The following CPT2 variants were observed in gnomAD, a reference collection of about 807,000 sequenced individuals.
CPT2 encodes carnitine palmitoyltransferase 2.
In CPT2, 37 loss-of-function variants were observed where a neutral mutation model predicts 48.6. The observed-to-expected ratio is 0.76, with a 90% CI of 0.59 to 1.00. The LOEUF is 1.00. CPT2 is among the 50% of genes least tolerant of loss of function. CPT2 has a pLI of 0.00. For synonymous variants in CPT2, 319 were observed against 326.9 expected, an observed-to-expected ratio of 0.98 and a Z score of 0.26; for missense variants, 772 against 825.6, an observed-to-expected ratio of 0.94 and a Z score of 0.80.
chr1:53,211,318 G>T lies in CPT2; in HGVS notation c.1644G>T (p.Met548Ile). The change falls in exon 4 of 5, where the codon ATG (methionine) becomes ATT (isoleucine). Residue 548 changes from methionine to isoleucine, a missense_variant and splice_region_variant. Met to Ile is a conservative substitution (Grantham distance 10). Transcript: ENST00000371486. ...GCCAGCTGACCAAAGAAGCAGCAAT[G>T]GGTGAGGCAGGGGTGGGGAGCATGC... ...YHGQLTKEAA[M>I]GQGFDRHLFA... 1 of 1,598,078 alleles carries T rather than the reference G, an allele frequency of 6.3e-7. No individual in the cohort carries two copies. Among genetic ancestry groups the T allele is most frequent in the East Asian group, 2.3e-5 (1 of 43,822 alleles).
intron 3 of CPT2, chr1:53,203,137 T>C (rs1645364669): frequency 6.6e-6 from 1 of 152,502 alleles, no homozygotes; most frequent in Admixed American, 6.5e-5. Context: ...TTTCAGCTCC[T>C]AAATCTTTTG....
chr1:53,210,228 C>T lies in CPT2; in HGVS notation c.554C>T (p.Thr185Ile). 6.2e-7 allele frequency: 1 copy of T among 1,614,124 alleles called. No individual in the cohort carries two copies. The highest frequency in any genetic ancestry group is 8.5e-7 in the Non-Finnish European group (1 of 1,179,952). ...CACTTGAACCCTGCAAAAAGTGACA[C>T]TATCACCTTCAAGAGACTCATACGC... ...VFHLNPAKSD[T>I]ITFKRLIRFV... Residue 185 changes from threonine to isoleucine, a missense_variant, in exon 4 of 5, where the codon ACT becomes ATT. By Grantham distance (89) the Thr-to-Ile change is moderately conservative. Transcript: ENST00000371486.
rs746853000 is a variant in CPT2 at position 53,210,433 on chromosome 1, C to A, written c.759C>A (p.Ile253=). Residue 253 remains isoleucine (I), a synonymous_variant, in exon 4 of 5, where the codon ATC becomes ATA. Transcript: ENST00000371486. ...LLVLRKGNFY[I]FDVLDQDGNI... is the part of the protein sequence containing the mutation. ...TCCTAAGGAAAGGAAATTTTTATAT[C>A]TTTGATGTCCTGGATCAAGATGGGA... The A allele has an allele frequency of 6.2e-7, 1 of 1,614,016 alleles. No individual in the cohort carries two copies.
intron 3 of CPT2, chr1:53,203,041 G>C (rs1645364147): frequency 6.5e-6 from 1 of 155,018 alleles, no homozygotes; most frequent in Non-Finnish European, 1.4e-5. Context: ...GGTTATACAT[G>C]CATATAGTTT....
In CPT2 at chr1:53,202,333, C is replaced by G. The variant is rs1572380797; in HGVS notation, c.244C>G (p.Gln82Glu). 6.2e-7 allele frequency: 1 copy of G among 1,613,306 alleles called. No homozygotes were observed. Among genetic ancestry groups the G allele is most frequent in the Admixed American group, 1.7e-5 (1 of 59,986 alleles). Residue 82 changes from glutamine (Q) to glutamate (E), a missense_variant, in exon 3 of 5, where the codon CAA becomes GAA. Coordinates refer to ENST00000371486, the MANE Select transcript of CPT2 (RefSeq NM_000098.3). ...TCTTGAATGTTTTAGGAAAACAGAA[C>G]AATTTTGCAAGAGTTTTGAAAATGG... ...LNDGQFRKTE[Q>E]FCKSFENGIG...
chr1:53,198,413 C>A lies in CPT2; in HGVS notation c.152+1318C>A, dbSNP rs77079221. Among the ~76,000 whole-genome samples, 7 of 152,336 alleles carry A rather than the reference C, an allele frequency of 4.6e-5. No homozygotes were observed. The East Asian group carries it at 1.2e-3, about 25-fold the overall frequency. On this transcript the variant is annotated intron_variant, in intron 1 of 4. Transcript: ENST00000371486. Reference sequence around the variant, plus strand: ...GGATCGAGTGATTCTTGTGAAATTACATTTTGTGCAAACATCTAAGACATG... The same window carrying A: ...GGATCGAGTGATTCTTGTGAAATTAAATTTTGTGCAAACATCTAAGACATG...
Position 53,202,427 on chromosome 1 carries a change from C to T in CPT2, c.338C>T (p.Ser113Leu), listed in dbSNP as rs74315294. Residue 113 changes from serine (S) to leucine (L), a missense_variant and splice_region_variant, in exon 3 of 5, where the codon TCG becomes TTG. Transcript: ENST00000371486. ...CAGAATAAACATACAAGCTACATTT[C>T]GGGTAGGTAGGCTGGGCTGTGGGTA... ...DKQNKHTSYI[S>L]GPWFDMYLSA... The T allele has an allele frequency of 1.7e-3, 2,697 of 1,611,988 alleles. 8 individuals carry two copies. Among genetic ancestry groups the T allele is most frequent in the Non-Finnish European group, 1.9e-3 (2,197 of 1,178,070 alleles).
rs780168485 is a variant in CPT2, at chr1:53,210,601, T to G, written c.927T>G (p.Ser309Arg). ...AGCTCAGGCAGAAGCTGATGAGTAG[T>G]GGCAATGAGGAGAGCCTGAGGAAAG... Reference protein sequence around the residue: ...WAELRQKLMSSGNEESLRKVD... With the variant: ...WAELRQKLMSRGNEESLRKVD... The change falls in exon 4 of 5, where the codon AGT (serine) becomes AGG (arginine). Residue 309 changes from serine to arginine, a missense_variant. Ser to Arg is a moderately radical substitution (Grantham distance 110, BLOSUM62 -1). Coordinates refer to ENST00000371486, the MANE Select transcript of CPT2 (RefSeq NM_000098.3). 5 of 1,614,150 alleles carry G rather than the reference T, an allele frequency of 3.1e-6. No homozygotes were observed. The highest frequency in any genetic ancestry group is 1.1e-5 in the South Asian group (1 of 91,076).
intron 4 of CPT2, among the ~76,000 whole-genome samples, chr1:53,212,316 C>T (rs1191557324): frequency 1.3e-5 from 2 of 152,038 alleles, no homozygotes; most frequent in East Asian, 3.9e-4. Context: ...ACCCGCCTCA[C>T]CCTCCCAAAG....
chr1:53,203,124 C>T (rs191868634), intron 3 of CPT2: 46 of 152,594 alleles, frequency 3.0e-4, no homozygotes, highest in African/African-American at 1.1e-3. Context: ...TCCCACTTCT[C>T]ACTTTCAGCT....
At chr1:53,197,349 A>C (rs1295365212) in intron 1 of CPT2, 2 of 574,846 alleles carry the variant, frequency 3.5e-6, no homozygotes, top group East Asian at 6.1e-5. Context: ...CGCTTCTCAG[A>C]TTCCCTCTCC....
chr1:53,213,226 C>T (rs201225732), intron 4 of CPT2, 38 bp from the exon 5 acceptor site: 8 of 1,609,578 alleles, frequency 5.0e-6, no homozygotes, highest in East Asian at 2.2e-5. Context: ...GGTCCTTTTC[C>T]ATCCTGAGAC....
rs749598450 is a variant in CPT2 at position 53,197,587 on chromosome 1, C to G, written c.152+492C>G. 1.6e-4 allele frequency: 39 copies of G among 247,388 alleles called. 1 individual carries two copies. The highest frequency in any genetic ancestry group is 7.6e-4 in the South Asian group (19 of 25,110). 15.3% of individuals were successfully genotyped at this position (247,388 alleles called of 1,614,324 possible). A position where few individuals can be genotyped will look rare whatever the true frequency, so the allele number is the denominator to read the frequency against. ...GCCTTCACCCCTGTCACTCAGGACCCTCAGCCCCACCTCCCATTTCTCCAG... is the reference window on the plus strand; with the variant it reads ...GCCTTCACCCCTGTCACTCAGGACCGTCAGCCCCACCTCCCATTTCTCCAG... On this transcript the variant is annotated intron_variant, in intron 1 of 4. Coordinates refer to ENST00000371486, the MANE Select transcript of CPT2 (RefSeq NM_000098.3).
At chr1:53,199,770 T>C (rs1445537711) in intron 1 of CPT2, 1 of 152,210 alleles carries the variant, frequency 6.6e-6, no homozygotes, top group Non-Finnish European at 1.5e-5. Flanking sequence ...AATAATTGAT[T>C]TATTTTTGTC....
At chr1:53,211,600 CTTTTTTTTT>C (rs112026378) in intron 4 of CPT2, 709 of 373,144 alleles carry the variant, frequency 1.9e-3, no homozygotes, top group East Asian at 4.5e-3. Context: ...TTTTTTCTTT[CTTTTTTTTT>C]TTTTTTTTTG....
chr1:53,198,505 C>T (rs539449604), intron 1 of CPT2, among the ~76,000 whole-genome samples: 8 of 152,298 alleles, frequency 5.3e-5, no homozygotes, highest in African/African-American at 1.9e-4. Flanking sequence ...GTGGCATAAG[C>T]CTGGTACATG....
intron 3 of CPT2, chr1:53,203,147 G>A (rs1196220350): frequency 6.6e-6 from 1 of 152,420 alleles, no homozygotes; most frequent in Admixed American, 6.5e-5. Context: ...TAAATCTTTT[G>A]TTATATACCC....
At chr1:53,202,767 C>T (rs1382121390) in intron 3 of CPT2, 2 of 331,280 alleles carry the variant, frequency 6.0e-6, no homozygotes, top group Admixed American at 4.1e-5. Flanking sequence ...CTGTCCTCTC[C>T]AGCCTCTTCT....
chr1:53,202,704 A>G, intron 3 of CPT2: 1 of 473,574 alleles, frequency 2.1e-6, no homozygotes, highest in Non-Finnish European at 3.9e-6. Flanking sequence ...AAAAGGATGC[A>G]GGATTAAGTC....
Sources: gnomAD v4.1 joint callset for allele counts (sites outside exome capture counted in the v4.1 genomes callset) on GRCh38, gnomAD v4.1.1 for gene constraint, MANE v1.5 for transcripts, NCBI Gene and HGNC (gene_info 2026-07-23, HGNC 2026-07-21) for gene names.